The following MGAT4C variants were observed in gnomAD, a reference collection of about 807,000 sequenced individuals.
The protein encoded by MGAT4C is MGAT4 family member C, also known as alpha-1,3-mannosyl-glycoprotein 4-beta-N-acetylglucosaminyltransferase C.
MGAT4C carries 19 observed loss-of-function variants against 40.1 expected under a neutral mutation model. The ratio of observed to expected loss-of-function variants is 0.47; its 90% CI spans 0.33 to 0.70. The LOEUF (loss-of-function observed/expected upper bound fraction) is 0.70, where lower values mean the gene tolerates loss of function less well. Ranked by LOEUF, MGAT4C falls within the 30% of genes least tolerant of loss-of-function variation. MGAT4C has a pLI of 0.02. For synonymous variants in MGAT4C, 181 were observed against 187.1 expected (o/e 0.97, Z 0.27); for missense variants, 491 against 563.2 (o/e 0.87, Z 1.30).
At position 86,737,017 on chromosome 12, in the gene MGAT4C, A is replaced by T. The variant is rs913031342; in HGVS notation, c.-261-9776T>A. ...ATCAAGCTAACTTGCAATTCTATAAAAAAAAAAAAAAAACCTGCCAATTTT... is the reference window on the plus strand; with the variant it reads ...ATCAAGCTAACTTGCAATTCTATAATAAAAAAAAAAAAACCTGCCAATTTT... On this transcript the variant is annotated intron_variant, in intron 1 of 7. Coordinates refer to the MGAT4C transcript ENST00000548651. Among the ~76,000 whole-genome samples, 568 of 135,806 alleles carry T rather than the reference A, an allele frequency of 4.2e-3. 5 individuals carry two copies. Among genetic ancestry groups the T allele is most frequent in the East Asian group, 0.013 (65 of 5,048 alleles). The allele number at this position is 135,806 out of a possible 152,430, so 89.1% of individuals were successfully genotyped here.
chr12:86,190,999 C>T (rs544612005), intron 1 of MGAT4C, among the ~76,000 whole-genome samples: 3 of 151,522 alleles, frequency 2.0e-5, no homozygotes, highest in Non-Finnish European at 4.4e-5. Flanking sequence ...GCTGAGTTTC[C>T]AGCCTGCTGG....
chr12:86,496,944 A>T (rs1009113594), intron 2 of MGAT4C, among the ~76,000 whole-genome samples: 4 of 152,046 alleles, frequency 2.6e-5, no homozygotes, highest in African/African-American at 9.7e-5. Flanking sequence ...TTGAAAGCAG[A>T]TATCAGTAGA....
intron 2 of MGAT4C, among the ~76,000 whole-genome samples, chr12:86,554,983 C>T (rs1032014723): frequency 1.2e-4 from 19 of 152,050 alleles, no homozygotes; most frequent in Admixed American, 6.6e-5. Flanking sequence ...GTCTTCAAAG[C>T]CAGCAGCATA....
chr12:86,196,468 T>C (rs1949809594), intron 1 of MGAT4C, among the ~76,000 whole-genome samples: 1 of 152,344 alleles, frequency 6.6e-6, no homozygotes, highest in Non-Finnish European at 1.5e-5. Context: ...GGTGGCCCTC[T>C]TCCTCTGAGA....
At chr12:86,580,298 C>T (rs1960729265) in intron 2 of MGAT4C, among the ~76,000 whole-genome samples, 1 of 151,446 alleles carries the variant, frequency 6.6e-6, no homozygotes, top group Non-Finnish European at 1.5e-5. Flanking sequence ...AATCATTTAA[C>T]ACATTTTGTC....
At chr12:86,193,850 T>C (rs1387492442) in intron 1 of MGAT4C, among the ~76,000 whole-genome samples, 1 of 152,166 alleles carries the variant, frequency 6.6e-6, no homozygotes, top group African/African-American at 2.4e-5. Flanking sequence ...GGTACATAGT[T>C]CCTTTTAACT....
intron 3 of MGAT4C, among the ~76,000 whole-genome samples, chr12:86,384,074 C>T (rs1456618711): frequency 6.6e-6 from 1 of 152,164 alleles, no homozygotes; most frequent in African/African-American, 2.4e-5. Context: ...CACAAGCTCT[C>T]TTCTCTTATC....
chr12:86,402,174 G>A (rs1956376807), intron 3 of MGAT4C, among the ~76,000 whole-genome samples: 1 of 152,070 alleles, frequency 6.6e-6, no homozygotes, highest in Non-Finnish European at 1.5e-5. Context: ...GCCGGGCACA[G>A]TGGCTCACGC....
chr12:86,760,270 C>A (rs1246273209), intron 1 of MGAT4C, among the ~76,000 whole-genome samples: 1 of 152,044 alleles, frequency 6.6e-6, no homozygotes, highest in Non-Finnish European at 1.5e-5. Context: ...AAAAATAACT[C>A]AGAATGGATT....
At chr12:86,339,883 C>G (rs1329539143) in intron 3 of MGAT4C, among the ~76,000 whole-genome samples, 2 of 152,100 alleles carry the variant, frequency 1.3e-5, no homozygotes, top group Admixed American at 6.6e-5. Context: ...ATTGGTAGCT[C>G]TTTCTTATGT....
At chr12:86,344,789 G>A (rs946176321) in intron 3 of MGAT4C, among the ~76,000 whole-genome samples, 1 of 149,686 alleles carries the variant, frequency 6.7e-6, no homozygotes, top group Non-Finnish European at 1.5e-5. Flanking sequence ...GGCAAGAGGG[G>A]CACATTGAGA....
chr12:86,067,233 A>T (rs1894631288), intron 1 of MGAT4C, among the ~76,000 whole-genome samples: 1 of 152,222 alleles, frequency 6.6e-6, no homozygotes, highest in African/African-American at 2.4e-5. Flanking sequence ...GTTATAAATC[A>T]TTCTACTATA....
chr12:86,325,798 G>A (rs1954512419), intron 4 of MGAT4C, among the ~76,000 whole-genome samples: 2 of 152,164 alleles, frequency 1.3e-5, no homozygotes, highest in East Asian at 1.9e-4. Context: ...GGTCACCTGA[G>A]CCCAGGAGGT....
chr12:86,138,701 C>CATAT (rs148914748), intron 1 of MGAT4C, among the ~76,000 whole-genome samples: 1 of 146,148 alleles, frequency 6.8e-6, no homozygotes, highest in Non-Finnish European at 1.5e-5. Context: ...CATATATATC[C>CATAT]ATATATATAT....
At chr12:86,298,051 T>C (rs1011791996) in intron 4 of MGAT4C, among the ~76,000 whole-genome samples, 1 of 152,048 alleles carries the variant, frequency 6.6e-6, no homozygotes, top group African/African-American at 2.4e-5. Context: ...ACACAACTAG[T>C]AGAAGACGGT....
intron 2 of MGAT4C, among the ~76,000 whole-genome samples, chr12:86,561,340 T>C (rs916353172): frequency 6.6e-6 from 1 of 152,180 alleles, no homozygotes; most frequent in Non-Finnish European, 1.5e-5. Context: ...TCTGAGAGGT[T>C]GTTGCCAAAG....
In MGAT4C at chr12:86,535,210, G is replaced by A. The variant is rs139526104; in HGVS notation, c.-228-99945C>T. 1.5e-3 allele frequency among the ~76,000 whole-genome samples: 223 copies of A among 152,028 alleles called. 1 individual carries two copies. Among genetic ancestry groups the A allele is most frequent in the Middle Eastern group, 6.8e-3 (2 of 294 alleles). On this transcript the variant is annotated intron_variant, in intron 2 of 7. Coordinates refer to the MGAT4C transcript ENST00000548651. ...TTTGCCAATGACCCGTGTATTTCACGCATAAAATGGATGACCTAATTTAAC... is the reference window on the plus strand; with the variant it reads ...TTTGCCAATGACCCGTGTATTTCACACATAAAATGGATGACCTAATTTAAC...
intron 2 of MGAT4C, among the ~76,000 whole-genome samples, chr12:86,554,442 C>T (rs372822526): frequency 6.6e-6 from 1 of 151,982 alleles, no homozygotes; most frequent in Non-Finnish European, 1.5e-5. Context: ...TTTTGTCTAC[C>T]ATATTGCCCA....
chr12:86,817,106 CTTA>C (rs1328343009), intron 1 of MGAT4C, among the ~76,000 whole-genome samples: 1 of 150,206 alleles, frequency 6.7e-6, no homozygotes, highest in Non-Finnish European at 1.5e-5. Flanking sequence ...TTCAAGCATT[CTTA>C]TTTTCAAACA....
Sources: gnomAD v4.1 joint callset for allele counts (sites outside exome capture counted in the v4.1 genomes callset) on GRCh38, gnomAD v4.1.1 for gene constraint, MANE v1.5 for transcripts, NCBI Gene and HGNC (gene_info 2026-07-23, HGNC 2026-07-21) for gene names.